DNAH7: variants seen among roughly 807,000 people sequenced by gnomAD.
DNAH7 encodes the protein axonemal beta dynein heavy chain 7.
Under a neutral mutation model 444.6 loss-of-function variants are expected in DNAH7, and 397 were observed. The observed-to-expected ratio is 0.89, with a 90% CI of 0.82 to 0.97. The LOEUF is 0.97. DNAH7 is among the 50% of genes least tolerant of loss of function. The pLI, the probability that DNAH7 is intolerant of heterozygous loss-of-function variation, is 0.00. For missense variants in DNAH7, 4,902 were observed against 4,800.8 expected (o/e 1.02, Z -0.62); for synonymous variants, 1,636 against 1,624.4 (o/e 1.01, Z -0.17).
At chr2:195,969,866 T>C (rs1053983086) in intron 17 of DNAH7, 82 bp downstream of exon 17, 49 of 1,373,564 alleles carry the variant, frequency 3.6e-5, no homozygotes, top group Non-Finnish European at 4.7e-5. Flanking sequence ...TTGAATCTAC[T>C]TCTTAAAGGT....
At chr2:195,959,860 T>A (rs1690956822) in intron 18 of DNAH7, among the ~76,000 whole-genome samples, 1 of 152,220 alleles carries the variant, frequency 6.6e-6, no homozygotes, top group Admixed American at 6.5e-5. Context: ...AGCTAATGTA[T>A]TTTTAAAACA....
intron 15 of DNAH7, among the ~76,000 whole-genome samples, chr2:195,980,988 C>G (rs762364749): frequency 6.6e-6 from 1 of 152,038 alleles, no homozygotes; most frequent in Non-Finnish European, 1.5e-5. Flanking sequence ...TACTAGAAGT[C>G]CTAGCTAGAG....
At chr2:195,791,292 C>T (rs1695865720) in intron 57 of DNAH7, among the ~76,000 whole-genome samples, 1 of 151,568 alleles carries the variant, frequency 6.6e-6, no homozygotes, top group African/African-American at 2.4e-5. Flanking sequence ...ACAGTGAAAC[C>T]CCGTCTCTAC....
chr2:196,015,916 C>T (rs1387304072), intron 9 of DNAH7, among the ~76,000 whole-genome samples: 1 of 152,204 alleles, frequency 6.6e-6, no homozygotes, highest in African/African-American at 2.4e-5. Context: ...TCAAAGGCAA[C>T]ATAGGAGCTT....
At chr2:195,971,449 A>C (rs540527724) in intron 16 of DNAH7, among the ~76,000 whole-genome samples, 7 of 152,328 alleles carry the variant, frequency 4.6e-5, no homozygotes, top group African/African-American at 1.7e-4. Flanking sequence ...ACTTACAAAC[A>C]CTAACATAAT....
intron 58 of DNAH7, among the ~76,000 whole-genome samples, chr2:195,786,786 G>A (rs1695645668): frequency 6.6e-6 from 1 of 152,058 alleles, no homozygotes. Flanking sequence ...CAAAATAAAT[G>A]ATATATCATG....
chr2:195,912,672 C>T (rs2125313374), intron 24 of DNAH7, among the ~76,000 whole-genome samples: 1 of 152,324 alleles, frequency 6.6e-6, no homozygotes, highest in Middle Eastern at 3.4e-3. Flanking sequence ...GAAGATCTGG[C>T]ACATCTGGGC....
At position 196,064,348 on chromosome 2, in the gene DNAH7, T is replaced by A. The variant is rs6761485; in HGVS notation, c.15+4349A>T. 8.1e-3 allele frequency among the ~76,000 whole-genome samples: 274 copies of A among 34,008 alleles called. 7 individuals are homozygous for A. In the East Asian group the frequency reaches 0.18, roughly 23 times the overall value. 22.3% of individuals were successfully genotyped at this position (34,008 alleles called of 152,430 possible). The stretch of plus-strand genomic sequence containing the variant: ...ATAAATAAATAAATAAATAAATAAA[T>A]AATAAATAATAAATAAATAATAAAA... On this transcript the variant is annotated intron_variant, in intron 1 of 64. Transcript: ENST00000312428.
In DNAH7 at chr2:195,934,659, T is replaced by C. The variant is rs761940790; in HGVS notation, c.3403A>G (p.Lys1135Glu). The C allele has an allele frequency of 1.2e-6, 2 of 1,614,144 alleles. No homozygotes were observed. Among genetic ancestry groups the C allele is most frequent in the South Asian group, 2.2e-5 (2 of 91,084 alleles). ...CACTTCTCCACTTGACCTCTGGCTT[T>C]GGCTGTTGAAATAATCTCTATGAGT... is the stretch of plus-strand genomic sequence containing the variant. Reference protein sequence around the residue: ...VELIEIISTAKARGQVEKWLV... With the variant: ...VELIEIISTAEARGQVEKWLV... The change falls in exon 21 of 65, where the codon AAA (lysine) becomes GAA (glutamate). Residue 1135 changes from lysine to glutamate, a missense_variant. By Grantham distance (56) the Lys-to-Glu change is moderately conservative. Transcript: ENST00000312428.
intron 48 of DNAH7, among the ~76,000 whole-genome samples, chr2:195,829,987 GA>G (rs1211228139): frequency 6.6e-6 from 1 of 151,620 alleles, no homozygotes; most frequent in African/African-American, 2.4e-5. Flanking sequence ...TTAAAAAAAG[GA>G]AAAAATGTAT....
intron 1 of DNAH7, chr2:196,063,947 T>C (rs1431574540): frequency 6.6e-6 from 1 of 152,264 alleles, no homozygotes; most frequent in African/African-American, 2.4e-5. Flanking sequence ...GTAGTAGAGC[T>C]TGGGTTTGGC....
chr2:195,752,237 CT>C (rs1288767490), intron 63 of DNAH7, among the ~76,000 whole-genome samples: 1 of 148,426 alleles, frequency 6.7e-6, no homozygotes, highest in Non-Finnish European at 1.5e-5. Context: ...TGCCACTACA[CT>C]GTAGGTGGGG....
At chr2:195,945,440 C>A (rs1054644209) in intron 19 of DNAH7, among the ~76,000 whole-genome samples, 2 of 152,038 alleles carry the variant, frequency 1.3e-5, no homozygotes, top group Admixed American at 1.3e-4. Context: ...CCAGATAAGT[C>A]CTGTTGGAAA....
chr2:195,965,064 TTTCA>T (rs1691382034), intron 17 of DNAH7, among the ~76,000 whole-genome samples: 1 of 152,192 alleles, frequency 6.6e-6, no homozygotes, highest in African/African-American at 2.4e-5. Context: ...AAAGGCTTTC[TTTCA>T]GTTTTTCCCC....
chr2:195,926,860 A>G (rs1306820992), intron 21 of DNAH7, among the ~76,000 whole-genome samples: 4 of 152,068 alleles, frequency 2.6e-5, no homozygotes, highest in Non-Finnish European at 5.9e-5. Flanking sequence ...AAGACATCCT[A>G]GATACATTTG....
intron 23 of DNAH7, 80 bp downstream of exon 23, chr2:195,923,515 C>A: frequency 1.5e-6 from 2 of 1,348,072 alleles, no homozygotes; most frequent in Non-Finnish European, 2.1e-6. Flanking sequence ...GCTACTATTT[C>A]CCATGTGAGC....
In DNAH7 at chr2:195,864,306, G is replaced by A. The variant is rs1311237788; in HGVS notation, c.7349C>T (p.Thr2450Ile). The change falls in exon 41 of 65, where the codon ACA (threonine) becomes ATA (isoleucine). Residue 2450 changes from threonine (T) to isoleucine (I), a missense_variant. Physicochemically the swap from Thr to Ile is moderately conservative, Grantham distance 89. Coordinates refer to ENST00000312428, the MANE Select transcript of DNAH7 (RefSeq NM_018897.3). ...GAAAAGGGCTATGGGGCTGCCATCT[G>A]TTTGCTTGGTTTTATCCCGCTGGCG... ...LDRQRDKTKQTDGSPIALFNM... is the reference protein window; with the variant it reads ...LDRQRDKTKQIDGSPIALFNM... 6.2e-7 allele frequency: 1 copy of A among 1,613,998 alleles called. No individual in the cohort carries two copies. The highest frequency in any genetic ancestry group is 8.5e-7 in the Non-Finnish European group (1 of 1,180,022).
chr2:195,956,070 T>C (rs989217566), intron 19 of DNAH7, among the ~76,000 whole-genome samples: 3 of 152,178 alleles, frequency 2.0e-5, no homozygotes, highest in African/African-American at 7.2e-5. Context: ...AATAAAACCA[T>C]GTCCATCTTT....
At chr2:195,865,706 G>A (rs1287936905) in intron 40 of DNAH7, among the ~76,000 whole-genome samples, 6 of 152,092 alleles carry the variant, frequency 3.9e-5, no homozygotes, top group African/African-American at 1.4e-4. Flanking sequence ...GGACTGAATT[G>A]TGTCCCCCCA....
Sources: gnomAD v4.1 joint callset for allele counts (sites outside exome capture counted in the v4.1 genomes callset) on GRCh38, gnomAD v4.1.1 for gene constraint, MANE v1.5 for transcripts, NCBI Gene and HGNC (gene_info 2026-07-23, HGNC 2026-07-21) for gene names.